Variants in DYNC2H1 observed in about 807,000 individuals in gnomAD.
The protein encoded by DYNC2H1 is cytoplasmic dynein 2 heavy chain 1.
DYNC2H1 carries 410 observed loss-of-function variants against 570.0 expected under a neutral mutation model. The ratio of observed to expected loss-of-function variants is 0.72; its 90% CI spans 0.66 to 0.78. DYNC2H1 has a LOEUF of 0.78. Among genes scored for constraint, DYNC2H1 ranks in the 30% least tolerant of loss-of-function variants. DYNC2H1 has a pLI of 0.00. For missense variants in DYNC2H1, 4,865 were observed against 5,046.4 expected, an observed-to-expected ratio of 0.96 and a Z score of 1.09; for synonymous variants, 1,688 against 1,677.6, an observed-to-expected ratio of 1.01 and a Z score of -0.15.
chr11:103,206,938 C>T (rs1265936729), intron 52 of DYNC2H1, among the ~76,000 whole-genome samples: 1 of 150,090 alleles, frequency 6.7e-6, no homozygotes, highest in African/African-American at 2.4e-5. Context: ...GTTTTTTTTT[C>T]CAAGACAGAG....
chr11:103,220,555 T>C, intron 56 of DYNC2H1, 68 bp from the exon 57 acceptor site: 1 of 1,435,952 alleles, frequency 7.0e-7, no homozygotes, highest in Non-Finnish European at 9.3e-7. Flanking sequence ...TAAAACATAA[T>C]TTTTCAAGAG....
chr11:103,246,041 C>G (rs1218830827), intron 65 of DYNC2H1, among the ~76,000 whole-genome samples: 1 of 152,106 alleles, frequency 6.6e-6, no homozygotes, highest in Non-Finnish European at 1.5e-5. Flanking sequence ...GCACTATTCT[C>G]TGATAACCTA....
chr11:103,288,537 G>A (rs569856147), intron 75 of DYNC2H1, among the ~76,000 whole-genome samples: 2 of 151,360 alleles, frequency 1.3e-5, no homozygotes, highest in Non-Finnish European at 3.0e-5. Context: ...TAGTAGGTTC[G>A]CTATGAGATT....
intron 76 of DYNC2H1, among the ~76,000 whole-genome samples, chr11:103,304,043 A>G (rs553969630): frequency 3.3e-5 from 5 of 151,800 alleles, no homozygotes; most frequent in African/African-American, 1.2e-4. Context: ...CCTTTTTTTC[A>G]ATTTGCATGT....
intron 12 of DYNC2H1, 43 bp from the exon 13 acceptor site, chr11:103,128,867 A>C (rs1321906079): frequency 1.5e-6 from 2 of 1,369,662 alleles, no homozygotes; most frequent in Middle Eastern, 2.4e-4. Flanking sequence ...AAAAATTAAA[A>C]ATGAAGTTAT....
At position 103,369,144 on chromosome 11, in the gene DYNC2H1, G is replaced by A. The variant is rs941427112; in HGVS notation, c.12156+10785G>A. Among the ~76,000 whole-genome samples, 3 of 152,140 alleles carry A rather than the reference G, an allele frequency of 2.0e-5. No homozygotes were observed. The highest frequency in any genetic ancestry group is 7.2e-5 in the African/African-American group (3 of 41,412). On this transcript the variant is annotated intron_variant, in intron 83 of 88. Transcript: ENST00000375735. The surrounding 1 kb of genome is among the most constrained non-coding windows in gnomAD (Gnocchi z 4.0). ...CCAAGCAGCAGTGGCATGGCATGGA[G>A]AGCGTTTTGGTGCACTGGGGAGAGG... is the stretch of plus-strand genomic sequence containing the variant.
chr11:103,455,219 C>G lies in DYNC2H1; in HGVS notation c.12490C>G (p.Leu4164Val). The G allele has an allele frequency of 6.2e-7, 1 of 1,613,348 alleles. No individual in the cohort carries two copies. The highest frequency in any genetic ancestry group is 1.3e-5 in the African/African-American group (1 of 75,010). Residue 4164 changes from leucine to valine, a missense_variant, in exon 86 of 89, where the codon CTC becomes GTC. Leu to Val is a conservative substitution (Grantham distance 32, BLOSUM62 1). Coordinates refer to ENST00000375735, the MANE Select transcript of DYNC2H1 (RefSeq NM_001377.3). Reference protein sequence around the residue: ...WVDKAEKQALLSETLDLSELF... With the variant: ...WVDKAEKQALVSETLDLSELF... ...AGATAAAGCTGAAAAACAGGCTCTTCTCTCTGAAACACTTGACCTATCAGA... is the reference window on the plus strand; with the variant it reads ...AGATAAAGCTGAAAAACAGGCTCTTGTCTCTGAAACACTTGACCTATCAGA...
At chr11:103,266,011 T>C (rs1169799088) in intron 70 of DYNC2H1, among the ~76,000 whole-genome samples, 1 of 143,450 alleles carries the variant, frequency 7.0e-6, no homozygotes, top group Non-Finnish European at 1.5e-5. Flanking sequence ...CCAACTTTGA[T>C]CTCTGGCTCC....
rs776207532 is a variant in DYNC2H1, at chr11:103,236,497, A to G, written c.9777A>G (p.Pro3259=). The part of the protein sequence containing the change: ...EQLIWKSEGL[P]SDDLSIENAL... ...TAATTTGGAAAAGTGAAGGCCTACCATCAGATGACCTTTCCATAGAAAATG... is the reference window on the plus strand; with the variant it reads ...TAATTTGGAAAAGTGAAGGCCTACCGTCAGATGACCTTTCCATAGAAAATG... Residue 3259 remains proline (P), a synonymous_variant, in exon 63 of 89, where the codon CCA becomes CCG. Transcript: ENST00000375735. The G allele has an allele frequency of 2.5e-6, 4 of 1,607,938 alleles. No homozygotes were observed. Among genetic ancestry groups the G allele is most frequent in the South Asian group, 1.1e-5 (1 of 90,662 alleles).
intron 85 of DYNC2H1, among the ~76,000 whole-genome samples, chr11:103,444,043 T>C (rs638992): frequency 0.35 from 53,538 of 151,560 alleles, 9,987 homozygotes; most frequent in African/African-American, 0.47. Context: ...GAATAATTCC[T>C]CAAAGATCTG....
At chr11:103,274,381 A>G (rs2135318282) in intron 70 of DYNC2H1, among the ~76,000 whole-genome samples, 1 of 152,174 alleles carries the variant, frequency 6.6e-6, no homozygotes, top group South Asian at 2.1e-4. Context: ...ATCAAAACAA[A>G]TGAAAAGAAT....
Position 103,120,936 on chromosome 11 carries a change from A to G in DYNC2H1, c.1260A>G (p.Ala420=). 3.3e-6 allele frequency: 5 copies of G among 1,513,206 alleles called. No homozygotes were observed. The highest frequency in any genetic ancestry group is 4.4e-6 in the Non-Finnish European group (5 of 1,133,734). 93.7% of individuals were successfully genotyped at this position (1,513,206 alleles called of 1,614,324 possible). A position where few individuals can be genotyped will look rare whatever the true frequency, so the allele number is the denominator to read the frequency against. The change falls in exon 9 of 89, where the codon GCA becomes GCG. Residue 420 remains alanine (A), a synonymous_variant. Transcript: ENST00000375735. ...TTATTTTATATTAGCTTCTTCAAGCATTCCTGAAATATAAAGAGTTGGTAA... is the reference window on the plus strand; with the variant it reads ...TTATTTTATATTAGCTTCTTCAAGCGTTCCTGAAATATAAAGAGTTGGTAA... The part of the protein sequence containing the change: ...IQDSPQQLLQ[A]FLKYKELVKR...
chr11:103,399,980 C>A, intron 84 of DYNC2H1, 108 bp downstream of exon 84: 1 of 899,024 alleles, frequency 1.1e-6, no homozygotes, highest in Non-Finnish European at 1.7e-6. Flanking sequence ...AGACCCGAGT[C>A]ACACTGGCTT....
At chr11:103,235,872 A>C in intron 62 of DYNC2H1, 59 bp downstream of exon 62, 1 of 1,588,678 alleles carries the variant, frequency 6.3e-7, no homozygotes, top group South Asian at 1.2e-5. Context: ...CTGAATTTAA[A>C]ATTTCAATAT....
At chr11:103,227,923 A>G (rs1055106697) in intron 59 of DYNC2H1, among the ~76,000 whole-genome samples, 2 of 152,080 alleles carry the variant, frequency 1.3e-5, no homozygotes, top group African/African-American at 4.8e-5. Context: ...TAGTCCTTTT[A>G]TCGTTATATA....
At chr11:103,336,759 G>T (rs183974580) in intron 82 of DYNC2H1, among the ~76,000 whole-genome samples, 3 of 152,282 alleles carry the variant, frequency 2.0e-5, no homozygotes, top group African/African-American at 7.2e-5. Context: ...GAATAGTGCT[G>T]TAATAAACAC....
At position 103,374,620 on chromosome 11, in the gene DYNC2H1, T is replaced by A. The variant is rs528867878; in HGVS notation, c.12156+16261T>A. Reference sequence around the variant, plus strand: ...GTGATATGGGCAATGAAGTCCAGGCTGAGGTGGTCTCAGATGGAGATGAAA... The same window carrying A: ...GTGATATGGGCAATGAAGTCCAGGCAGAGGTGGTCTCAGATGGAGATGAAA... On this transcript the variant is annotated intron_variant, in intron 83 of 88. Coordinates refer to ENST00000375735, the MANE Select transcript of DYNC2H1 (RefSeq NM_001377.3). 2.6e-5 allele frequency among the ~76,000 whole-genome samples: 4 copies of A among 152,286 alleles called. No homozygotes were observed. In the South Asian group the frequency reaches 8.3e-4, roughly 32 times the overall value.
rs752041287 is a variant in DYNC2H1, at chr11:103,133,628, A to G, written c.2027A>G (p.Gln676Arg). Residue 676 changes from glutamine (Q) to arginine (R), a missense_variant, in exon 14 of 89, where the codon CAA (glutamine) becomes CGA (arginine). Transcript: ENST00000375735. The surrounding 1 kb of genome is among the most constrained non-coding windows in gnomAD (Gnocchi z 4.8). ...DNPKELEGYIQKLQNAAERLA... is the reference protein window; with the variant it reads ...DNPKELEGYIRKLQNAAERLA... ...CCTAAAGAATTAGAAGGCTATATCC[A>G]AAAACTCCAAAATGCTGCTGAACGG... 2 of 1,612,930 alleles carry G rather than the reference A, an allele frequency of 1.2e-6. No individual in the cohort carries two copies. The highest frequency in any genetic ancestry group is 2.7e-5 in the African/African-American group (2 of 75,006).
At chr11:103,388,805 T>C (rs1379938434) in intron 83 of DYNC2H1, among the ~76,000 whole-genome samples, 1 of 152,196 alleles carries the variant, frequency 6.6e-6, no homozygotes, top group African/African-American at 2.4e-5. Flanking sequence ...TGGATTACAT[T>C]TATTGATTTG....
Sources: gnomAD v4.1 joint callset for allele counts (sites outside exome capture counted in the v4.1 genomes callset) on GRCh38, gnomAD v4.1.1 for gene constraint, Gnocchi (gnomAD v3.1) non-coding constraint, MANE v1.5 for transcripts, NCBI Gene and HGNC (gene_info 2026-07-23, HGNC 2026-07-21) for gene names.